Variants in TMEM132B observed in about 807,000 individuals in gnomAD.
TMEM132B encodes the protein transmembrane protein 132B.
Under a neutral mutation model 90.8 loss-of-function variants are expected in TMEM132B, and 18 were observed. The observed-to-expected ratio is 0.20, with a 90% CI of 0.14 to 0.29. The LOEUF is 0.29. Ranked by LOEUF, TMEM132B falls within the 10% of genes least tolerant of loss-of-function variation. The pLI, the probability that TMEM132B is intolerant of heterozygous loss-of-function variation, is 1.00. For synonymous variants in TMEM132B, 504 were observed against 523.3 expected (o/e 0.96, Z 0.50); for missense variants, 1,096 against 1,326.8 (o/e 0.83, Z 2.70).
intron 4 of TMEM132B, among the ~76,000 whole-genome samples, chr12:125,520,499 C>T (rs1491001210): frequency 6.6e-6 from 1 of 151,834 alleles, no homozygotes; most frequent in Non-Finnish European, 1.5e-5. Flanking sequence ...TCTGCCATCC[C>T]CGAATCTCGA....
Position 125,570,806 on chromosome 12 carries a change from G to C in TMEM132B, c.1294-13045G>C, listed in dbSNP as rs529887147. Among the ~76,000 whole-genome samples, 7 of 152,258 alleles carry C rather than the reference G, an allele frequency of 4.6e-5. No individual in the cohort carries two copies. In the South Asian group the frequency reaches 1.5e-3, roughly 32 times the overall value. ...TTAAAAATCAGAAGTCAAGGTGTCT[G>C]AGGGCCCAATGTGGTCAGAATTAGA... On this transcript the variant is annotated intron_variant, in intron 4 of 8. Coordinates refer to ENST00000682704, the MANE Select transcript of TMEM132B (RefSeq NM_001366854.1).
chr12:125,203,474 A>G (rs776790734), intron 1 of TMEM132B, among the ~76,000 whole-genome samples: 3 of 152,196 alleles, frequency 2.0e-5, no homozygotes, highest in Non-Finnish European at 4.4e-5. Context: ...AGAGCTTACC[A>G]ATATCTTTAA....
intron 1 of TMEM132B, among the ~76,000 whole-genome samples, chr12:125,261,793 T>C (rs1227336570): frequency 6.6e-6 from 1 of 152,214 alleles, no homozygotes; most frequent in Non-Finnish European, 1.5e-5. Flanking sequence ...TTTGCTTCCA[T>C]AATCAATGGC....
At chr12:125,269,081 C>T (rs774499726) in intron 1 of TMEM132B, among the ~76,000 whole-genome samples, 36 of 152,216 alleles carry the variant, frequency 2.4e-4, no homozygotes, top group Non-Finnish European at 3.8e-4. Flanking sequence ...CAATAATAAC[C>T]GCCCCAAGGC....
intron 1 of TMEM132B, among the ~76,000 whole-genome samples, chr12:125,256,754 TA>T (rs1874448256): frequency 6.6e-6 from 1 of 152,158 alleles, no homozygotes; most frequent in Admixed American, 6.5e-5. Context: ...ACCAACCTAA[TA>T]TTATAAAAGT....
chr12:125,447,356 A>G (rs1486591634), intron 3 of TMEM132B, among the ~76,000 whole-genome samples: 1 of 152,150 alleles, frequency 6.6e-6, no homozygotes, highest in African/African-American at 2.4e-5. Context: ...AAAGTTATAT[A>G]CCATTTTATT....
intron 5 of TMEM132B, among the ~76,000 whole-genome samples, chr12:125,610,641 G>T (rs1299997988): frequency 6.6e-6 from 1 of 151,164 alleles, no homozygotes; most frequent in African/African-American, 2.4e-5. Context: ...CTCTCTCTCT[G>T]TATGTGTGTG....
At chr12:125,526,682 T>C (rs1031907571) in intron 4 of TMEM132B, among the ~76,000 whole-genome samples, 4 of 152,194 alleles carry the variant, frequency 2.6e-5, no homozygotes, top group African/African-American at 9.7e-5. Context: ...AGTCAGCCTC[T>C]ACTTCATGAA....
At chr12:125,584,550 G>A (rs1885134993) in intron 5 of TMEM132B, 1 of 150,210 alleles carries the variant, frequency 6.7e-6, no homozygotes, top group African/African-American at 2.5e-5. Context: ...TTGTTAATAT[G>A]CATTAAAATA....
rs781241046 is a variant in TMEM132B at position 125,415,632 on chromosome 12, C to T, written c.1061C>T (p.Ser354Leu). The change falls in exon 3 of 9, where the codon TCG becomes TTG. Residue 354 changes from serine (S) to leucine (L), a missense_variant. Ser to Leu is a moderately radical substitution (Grantham distance 145). Coordinates refer to ENST00000682704, the MANE Select transcript of TMEM132B (RefSeq NM_001366854.1). This position sits in a 1 kb window ranked among gnomAD's most constrained non-coding sequence, Gnocchi z 5.3. ...ATTGATAATGGCAGCACTCAGACGT[C>T]GGCCACCCTCACCTGCATGGGCCAT... ...EEIDNGSTQT[S>L]ATLTCMGHRP... The T allele has an allele frequency of 1.4e-5, 23 of 1,614,076 alleles. No individual in the cohort carries two copies. The highest frequency in any genetic ancestry group is 6.7e-5 in the Admixed American group (4 of 60,008).
intron 3 of TMEM132B, among the ~76,000 whole-genome samples, chr12:125,491,449 G>T (rs1882347766): frequency 6.6e-6 from 1 of 152,160 alleles, no homozygotes. Context: ...TGAGCTGTTA[G>T]GGCCATCATT....
chr12:125,263,059 C>T (rs1874603967), intron 1 of TMEM132B, among the ~76,000 whole-genome samples: 1 of 152,198 alleles, frequency 6.6e-6, no homozygotes, highest in East Asian at 1.9e-4. Flanking sequence ...AGCAGTTTTC[C>T]ACTTAGAACT....
intron 1 of TMEM132B, among the ~76,000 whole-genome samples, chr12:125,334,642 C>T (rs182303533): frequency 7.9e-5 from 12 of 152,354 alleles, no homozygotes; most frequent in South Asian, 2.1e-4. Context: ...GGATGCAGCA[C>T]GCTTACCTAT....
At chr12:125,383,625 CTTT>C (rs1220289947) in intron 2 of TMEM132B, among the ~76,000 whole-genome samples, 1 of 152,200 alleles carries the variant, frequency 6.6e-6, no homozygotes, top group East Asian at 1.9e-4. Flanking sequence ...TCCCTATCTT[CTTT>C]AAGTCAGTGC....
At chr12:125,250,108 C>T (rs1004638742) in intron 1 of TMEM132B, among the ~76,000 whole-genome samples, 2 of 152,232 alleles carry the variant, frequency 1.3e-5, no homozygotes, top group African/African-American at 4.8e-5. Flanking sequence ...ACGGGCAGGT[C>T]AGCTGACAGC....
intron 1 of TMEM132B, among the ~76,000 whole-genome samples, chr12:125,243,309 ATTT>A (rs767896932): frequency 7.4e-6 from 1 of 135,514 alleles, no homozygotes. Context: ...TGGCTGGCTA[ATTT>A]TTTTTTTTTT....
intron 3 of TMEM132B, among the ~76,000 whole-genome samples, chr12:125,431,735 G>A (rs985701523): frequency 6.6e-6 from 1 of 152,320 alleles, no homozygotes; most frequent in East Asian, 1.9e-4. Flanking sequence ...CCAGGTATGT[G>A]GAGGGGATCA....
At chr12:125,444,295 C>T (rs1017117612) in intron 3 of TMEM132B, among the ~76,000 whole-genome samples, 2 of 152,270 alleles carry the variant, frequency 1.3e-5, no homozygotes, top group African/African-American at 4.8e-5. Context: ...CATTTTCCCC[C>T]TACTTCCATA....
At position 125,659,197 on chromosome 12, in the gene TMEM132B, A is replaced by G. The variant is rs1565889620; in HGVS notation, c.*4487A>G. ...AAGAAAACATTTCTTAAAAGTTGCC[A>G]ACGTATTTTACCTTGAAAACATTTC... On this transcript the variant is annotated 3_prime_UTR_variant, in exon 9 of 9. Coordinates refer to ENST00000682704, the MANE Select transcript of TMEM132B (RefSeq NM_001366854.1). The G allele has an allele frequency of 6.6e-6, 1 of 152,240 alleles. No homozygotes were observed. Among genetic ancestry groups the G allele is most frequent in the Admixed American group, 6.5e-5 (1 of 15,290 alleles). 9.4% of individuals were successfully genotyped at this position (152,240 alleles called of 1,614,324 possible).
Sources: gnomAD v4.1 joint callset for allele counts (sites outside exome capture counted in the v4.1 genomes callset) on GRCh38, gnomAD v4.1.1 for gene constraint, Gnocchi (gnomAD v3.1) non-coding constraint, MANE v1.5 for transcripts, NCBI Gene and HGNC (gene_info 2026-07-23, HGNC 2026-07-21) for gene names.